SPTB: variants seen among roughly 807,000 people sequenced by gnomAD.
SPTB encodes the protein spectrin beta, erythrocytic.
In SPTB, 45 loss-of-function variants were observed where a neutral mutation model predicts 256.2. The observed-to-expected ratio is 0.18, with a 90% CI of 0.14 to 0.23. The LOEUF (loss-of-function observed/expected upper bound fraction) is 0.23, where lower values mean the gene tolerates loss of function less well. SPTB is among the 10% of genes least tolerant of loss of function. SPTB has a pLI of 1.00. For synonymous variants in SPTB, 1,231 were observed against 1,243.1 expected, an observed-to-expected ratio of 0.99 and a Z score of 0.21; for missense variants, 2,715 against 3,040.4, an observed-to-expected ratio of 0.89 and a Z score of 2.52.
At position 64,760,623 on chromosome 14, in the gene SPTB, TC is replaced by T. The variant is rs1452927558; in HGVS notation, c.6345+6102del. Reference sequence around the variant, plus strand: ...GCCACAACTGAATTCATGTTAGAATTCACATGGAGGATGCTACTTTTAAGAG... The same window carrying T: ...GCCACAACTGAATTCATGTTAGAATTACATGGAGGATGCTACTTTTAAGAG... On this transcript the variant is annotated intron_variant, in intron 32 of 35. Coordinates refer to ENST00000644917, the MANE Select transcript of SPTB (RefSeq NM_001355436.2). The surrounding 1 kb of genome is among the most constrained non-coding windows in gnomAD (Gnocchi z 4.3). Among the ~76,000 whole-genome samples the T allele has an allele frequency of 6.6e-6, 1 of 152,152 alleles. No individual in the cohort carries two copies.
chr14:64,768,238 C>A, intron 29 of SPTB: 1 of 334,954 alleles, frequency 3.0e-6, no homozygotes, highest in Non-Finnish European at 5.8e-6. Context: ...TAGGATCTCC[C>A]TATGTTGCCC....
chr14:64,801,720 C>CA, intron 6 of SPTB, 34 bp downstream of exon 6: 1 of 1,594,782 alleles, frequency 6.3e-7, no homozygotes, highest in Non-Finnish European at 8.6e-7. Context: ...GAGGCTGTCT[C>CA]AGTCAGTCCC....
chr14:64,858,453 A>T (rs399508), intron 1 of SPTB, among the ~76,000 whole-genome samples: 142,646 of 152,122 alleles, frequency 0.94, 67,499 homozygotes, highest in Non-Finnish European at 0.98. Flanking sequence ...TGAAATGAGA[A>T]CACAGTCAGG....
At chr14:64,833,651 A>T (rs996819278) in intron 1 of SPTB, among the ~76,000 whole-genome samples, 1 of 152,068 alleles carries the variant, frequency 6.6e-6, no homozygotes, top group African/African-American at 2.4e-5. Flanking sequence ...TCTCATGCTC[A>T]TCTTCATCAA....
chr14:64,879,275 T>C (rs962582098), intron 1 of SPTB, among the ~76,000 whole-genome samples: 2 of 152,114 alleles, frequency 1.3e-5, no homozygotes, highest in South Asian at 2.1e-4. Context: ...TCTGCTGCCC[T>C]CACCTGTCCC....
chr14:64,835,648 G>A (rs1395219454), intron 1 of SPTB, among the ~76,000 whole-genome samples: 1 of 152,162 alleles, frequency 6.6e-6, no homozygotes, highest in Non-Finnish European at 1.5e-5. Flanking sequence ...CTGACAGGCA[G>A]CCACTAGTTA....
rs1489685039 is a variant in SPTB, at chr14:64,790,029, G to A, written c.2804+1690C>T. Among the ~76,000 whole-genome samples the A allele has an allele frequency of 3.3e-5, 5 of 152,184 alleles. No individual in the cohort carries two copies. Among genetic ancestry groups the A allele is most frequent in the Admixed American group, 2.6e-4 (4 of 15,278 alleles). On this transcript the variant is annotated intron_variant, in intron 15 of 35. Transcript: ENST00000644917. The surrounding 1 kb of genome is among the most constrained non-coding windows in gnomAD (Gnocchi z 4.8). Reference sequence around the variant, plus strand: ...AAGTGTGATATCTCTCAAGGGCAGAGCCAGAATCAATATGTACGCATTTCA... The same window carrying A: ...AAGTGTGATATCTCTCAAGGGCAGAACCAGAATCAATATGTACGCATTTCA...
At position 64,793,740 on chromosome 14, in the gene SPTB, C is replaced by A. The variant is rs2082718326; in HGVS notation, c.1923G>T (p.Lys641Asn). Residue 641 changes from lysine (K) to asparagine (N), a missense_variant, in exon 14 of 36, where the codon AAG (lysine) becomes AAT (asparagine). This residue lies in a region of SPTB where 2,239 missense variants were observed against 2,384.4 expected (regional missense o/e 0.94). Coordinates refer to ENST00000644917, the MANE Select transcript of SPTB (RefSeq NM_001355436.2). The surrounding 1 kb of genome is among the most constrained non-coding windows in gnomAD (Gnocchi z 7.0). Reference sequence around the variant, plus strand: ...CAGCCTCATCCATCTCCCAGAAGAACTTCCAGAGTCGTTTGGACTGCTCCA... The same window carrying A: ...CAGCCTCATCCATCTCCCAGAAGAAATTCCAGAGTCGTTTGGACTGCTCCA... ...AQLEQSKRLW[K>N]FFWEMDEAES... 1 of 1,614,220 alleles carries A rather than the reference C, an allele frequency of 6.2e-7. No individual in the cohort carries two copies. The highest frequency in any genetic ancestry group is 8.5e-7 in the Non-Finnish European group (1 of 1,180,050).
Position 64,807,673 on chromosome 14 carries a change from G to A in SPTB, c.149-2583C>T, listed in dbSNP as rs1245033960. ...TTCCATGAGCTGGCTGGCTCCAGCC[G>A]CCTGGCATTGGCATGCTCAGCACAT... On this transcript the variant is annotated intron_variant, in intron 2 of 35. Coordinates refer to ENST00000644917, the MANE Select transcript of SPTB (RefSeq NM_001355436.2). This position sits in a 1 kb window ranked among gnomAD's most constrained non-coding sequence, Gnocchi z 4.7. 2.0e-5 allele frequency among the ~76,000 whole-genome samples: 3 copies of A among 152,246 alleles called. No homozygotes were observed. Among genetic ancestry groups the A allele is most frequent in the South Asian group, 2.1e-4 (1 of 4,832 alleles).
rs571535722 is a variant in SPTB, at chr14:64,866,605, A to G, written c.-52+13187T>C. On this transcript the variant is annotated intron_variant, in intron 1 of 35. Coordinates refer to ENST00000644917, the MANE Select transcript of SPTB (RefSeq NM_001355436.2). This position sits in a 1 kb window ranked among gnomAD's most constrained non-coding sequence, Gnocchi z 4.6. ...CAGGAGAAGAGAGCGGCTGGATTGCAGTGGGAGTGCATCCATGACAGAGAG... is the reference window on the plus strand; with the variant it reads ...CAGGAGAAGAGAGCGGCTGGATTGCGGTGGGAGTGCATCCATGACAGAGAG... 1.3e-5 allele frequency among the ~76,000 whole-genome samples: 2 copies of G among 152,282 alleles called. No individual in the cohort carries two copies. Among genetic ancestry groups the G allele is most frequent in the East Asian group, 3.9e-4 (2 of 5,166 alleles).
At chr14:64,782,817 T>TTAAA (rs2082495159) in intron 19 of SPTB, among the ~76,000 whole-genome samples, 2 of 123,100 alleles carry the variant, frequency 1.6e-5, no homozygotes, top group African/African-American at 3.1e-5. Context: ...GTTGATGAGT[T>TTAAA]AAAAAAAAAA....
At chr14:64,762,729 TG>T (rs1024773916) in intron 32 of SPTB, among the ~76,000 whole-genome samples, 1 of 152,204 alleles carries the variant, frequency 6.6e-6, no homozygotes, top group African/African-American at 2.4e-5. Context: ...GAGCTGCCCT[TG>T]GGGAAGAGAG....
intron 32 of SPTB, among the ~76,000 whole-genome samples, chr14:64,765,842 G>A (rs1023368093): frequency 6.8e-6 from 1 of 147,084 alleles, no homozygotes; most frequent in African/African-American, 2.6e-5. Flanking sequence ...GTGTGGGGGT[G>A]TGGTGTGTGC....
In SPTB at chr14:64,827,090, G is replaced by C. The variant is rs1461979814; in HGVS notation, c.-51-3945C>G. Among the ~76,000 whole-genome samples, 4 of 152,190 alleles carry C rather than the reference G, an allele frequency of 2.6e-5. No homozygotes were observed. The highest frequency in any genetic ancestry group is 4.8e-5 in the African/African-American group (2 of 41,456). On this transcript the variant is annotated intron_variant, in intron 1 of 35. Coordinates refer to ENST00000644917, the MANE Select transcript of SPTB (RefSeq NM_001355436.2). The surrounding 1 kb of genome is among the most constrained non-coding windows in gnomAD (Gnocchi z 4.6). ...TTACTCCCTGGGTTGGTTAAGAACT[G>C]AGAAAGCAGTGGTAGCAGCTCCTCT...
At position 64,792,884 on chromosome 14, in the gene SPTB, C is replaced by G. The variant is rs1461861612; in HGVS notation, c.2666+113G>C. 1 of 1,466,350 alleles carries G rather than the reference C, an allele frequency of 6.8e-7. No homozygotes were observed. The highest frequency in any genetic ancestry group is 9.4e-7 in the Non-Finnish European group (1 of 1,063,794). 90.8% of individuals were successfully genotyped at this position (1,466,350 alleles called of 1,614,324 possible). On this transcript the variant is annotated intron_variant, in intron 14 of 35. Coordinates refer to ENST00000644917, the MANE Select transcript of SPTB (RefSeq NM_001355436.2). This position sits in a 1 kb window ranked among gnomAD's most constrained non-coding sequence, Gnocchi z 4.2. ...CCAGGACTTTGCAACAAAGGACATC[C>G]CAGGGCCTCTCAAAGAGACCTTTGC... is the stretch of plus-strand genomic sequence containing the variant.
intron 29 of SPTB, among the ~76,000 whole-genome samples, chr14:64,768,606 C>T (rs975033554): frequency 5.3e-5 from 8 of 152,158 alleles, no homozygotes; most frequent in Non-Finnish European, 1.0e-4. Flanking sequence ...TGACATTCCT[C>T]ATGAGGAATG....
At chr14:64,751,844 G>A (rs1461287348) in intron 33 of SPTB, among the ~76,000 whole-genome samples, 1 of 151,078 alleles carries the variant, frequency 6.6e-6, no homozygotes, top group Non-Finnish European at 1.5e-5. Context: ...AGCACTTTGG[G>A]AGGCTGAGGC....
chr14:64,823,041 C>T lies in SPTB; in HGVS notation c.54G>A (p.Arg18=). ...CTGGGGCGTCCCAGCGGGCATTGAT[C>T]CTGCTGTAAGGTGGCTGGTTGCCCA... is the stretch of plus-strand genomic sequence containing the variant. ...ENVGNQPPYS[R]INARWDAPDD... is the part of the protein sequence containing the mutation. Residue 18 remains arginine (R), a synonymous_variant, in exon 2 of 36, where the codon AGG becomes AGA. Coordinates refer to ENST00000644917, the MANE Select transcript of SPTB (RefSeq NM_001355436.2). This position sits in a 1 kb window ranked among gnomAD's most constrained non-coding sequence, Gnocchi z 6.5. 1 of 1,614,168 alleles carries T rather than the reference C, an allele frequency of 6.2e-7. No homozygotes were observed. Among genetic ancestry groups the T allele is most frequent in the Non-Finnish European group, 8.5e-7 (1 of 1,180,038 alleles).
Position 64,775,062 on chromosome 14 carries a change from A to G in SPTB, c.4842+63T>C. ...TGGACTCACAAGGCTCCCTACCGAC[A>G]GCCAACCTCAACTCTTCCTCTCTGC... On this transcript the variant is annotated intron_variant, in intron 23 of 35. Transcript: ENST00000644917. The surrounding 1 kb of genome is among the most constrained non-coding windows in gnomAD (Gnocchi z 5.0). 6.2e-7 allele frequency: 1 copy of G among 1,611,872 alleles called. No individual in the cohort carries two copies. The highest frequency in any genetic ancestry group is 8.5e-7 in the Non-Finnish European group (1 of 1,179,068).
Sources: allele counts gnomAD v4.1 joint callset (sites outside exome capture counted in the v4.1 genomes callset), GRCh38; gene constraint gnomAD v4.1.1; regional missense constraint gnomAD v4.1.1; non-coding constraint Gnocchi (gnomAD v3.1); transcripts MANE v1.5; gene names NCBI Gene and HGNC (gene_info 2026-07-23, HGNC 2026-07-21).